Variants in MCF2L observed in about 807,000 individuals in gnomAD.
MCF2L encodes guanine nucleotide exchange factor DBS.
A neutral mutation model predicts 153.4 loss-of-function variants in MCF2L; 97 were observed. The ratio of observed to expected loss-of-function variants is 0.63; its 90% CI spans 0.54 to 0.75. The LOEUF (loss-of-function observed/expected upper bound fraction) is 0.75, where lower values mean the gene tolerates loss of function less well. Among genes scored for constraint, MCF2L ranks in the 30% least tolerant of loss-of-function variants. The pLI, the probability that MCF2L is intolerant of heterozygous loss-of-function variation, is 0.00. For synonymous variants in MCF2L, 659 were observed against 632.2 expected, an observed-to-expected ratio of 1.04 and a Z score of -0.64; for missense variants, 1,347 against 1,495.2, an observed-to-expected ratio of 0.90 and a Z score of 1.64.
At chr13:113,088,306 G>C in intron 23 of MCF2L, 21 bp from the exon 24 acceptor site, 1 of 1,607,812 alleles carries the variant, frequency 6.2e-7, no homozygotes, top group African/African-American at 1.3e-5. Context: ...TCACCTCCTG[G>C]CGTTTCTTTT....
chr13:112,965,347 T>C (rs1016943245), upstream of MCF2L: 2 of 152,206 alleles, frequency 1.3e-5, no homozygotes, highest in Admixed American at 1.3e-4. Flanking sequence ...CCATGTCACC[T>C]CCGCTGCAGC....
In MCF2L at chr13:113,096,455, C is replaced by G; in HGVS notation, c.3160C>G (p.Leu1054Val). Residue 1054 changes from leucine to valine, a missense_variant, in exon 28 of 30, where the codon CTG becomes GTG. Physicochemically the swap from Leu to Val is conservative, Grantham distance 32. Coordinates refer to ENST00000535094, the MANE Select transcript of MCF2L (RefSeq NM_001112732.3). ...LRVRSGDVVELVQEGDEGLWY... is the reference protein window; with the variant it reads ...LRVRSGDVVEVVQEGDEGLWY... ...CGTGAGGAGCGGGGACGTGGTGGAG[C>G]TGGTGCAGGAGGGCGACGAGGGCCT... The G allele has an allele frequency of 1.3e-6, 2 of 1,592,948 alleles. No individual in the cohort carries two copies. The highest frequency in any genetic ancestry group is 2.3e-5 in the East Asian group (1 of 43,892).
intron 14 of MCF2L, 51 bp from the exon 15 acceptor site, chr13:113,078,615 C>A: frequency 6.5e-7 from 1 of 1,534,876 alleles, no homozygotes; most frequent in Non-Finnish European, 8.9e-7. Context: ...TGAGAGTTGG[C>A]CCTTGAGGTT....
Position 113,080,735 on chromosome 13 carries a change from G to A in MCF2L, c.1809-478G>A, listed in dbSNP as rs559247625. On this transcript the variant is annotated intron_variant, in intron 15 of 29. Coordinates refer to ENST00000535094, the MANE Select transcript of MCF2L (RefSeq NM_001112732.3). ...GCAGCTCCGGCGATGCCAGACCCCC[G>A]CCCTGGCCACGAGGGGCCACACAGA... 6.6e-5 allele frequency among the ~76,000 whole-genome samples: 10 copies of A among 152,294 alleles called. No homozygotes were observed. In the South Asian group the frequency reaches 1.2e-3, roughly 19 times the overall value.
At chr13:112,972,938 G>A (rs2082101168) in intron 1 of MCF2L, among the ~76,000 whole-genome samples, 1 of 151,434 alleles carries the variant, frequency 6.6e-6, no homozygotes, top group Non-Finnish European at 1.5e-5. Flanking sequence ...ATGGGCTGAG[G>A]GACACAGCAG....
rs2035761370 is a variant in MCF2L, at chr13:113,097,645, T to G, written c.*786T>G. The G allele has an allele frequency of 7.0e-6, 1 of 143,738 alleles. No individual in the cohort carries two copies. Among genetic ancestry groups the G allele is most frequent in the African/African-American group, 2.7e-5 (1 of 36,432 alleles). The allele number at this position is 143,738 out of a possible 1,614,324, so 8.9% of individuals were successfully genotyped here. A position where few individuals can be genotyped will look rare whatever the true frequency, so the allele number is the denominator to read the frequency against. On this transcript the variant is annotated 3_prime_UTR_variant, in exon 30 of 30. Transcript: ENST00000535094. ...AAAATTTAAACTATAATTTAAACAA[T>G]TAACGTTCTTTTCTACAAAAAAAAT...
intron 2 of MCF2L, among the ~76,000 whole-genome samples, chr13:113,017,187 G>C (rs1380601709): frequency 6.6e-6 from 1 of 152,210 alleles, no homozygotes; most frequent in Non-Finnish European, 1.5e-5. Flanking sequence ...CTGAGGCTGC[G>C]CCTGCACTCC....
chr13:112,939,327 TGA>T (rs2081552520), intron 2 of MCF2L, among the ~76,000 whole-genome samples: 1 of 152,128 alleles, frequency 6.6e-6, no homozygotes, highest in Admixed American at 6.5e-5. Context: ...CTGTGCAGTG[TGA>T]GGTCTCAGCA....
At chr13:113,008,833 T>C (rs1380200216) in intron 1 of MCF2L, 1 of 152,242 alleles carries the variant, frequency 6.6e-6, no homozygotes, top group East Asian at 1.9e-4. Context: ...AGGCAGGAGC[T>C]TGGTCCCAAA....
In MCF2L at chr13:113,044,759, C is replaced by T. The variant is rs764815222; in HGVS notation, c.279-512C>T. 47 of 1,612,792 alleles carry T rather than the reference C, an allele frequency of 2.9e-5. No individual in the cohort carries two copies. In the East Asian group the frequency reaches 9.1e-4, roughly 31 times the overall value. On this transcript the variant is annotated intron_variant, in intron 3 of 29. Transcript: ENST00000535094. Reference sequence around the variant, plus strand: ...TCGCAGAGAGTGCTGCCTCCTCTCCCGTTTCCAGCAGATGCTTGGGAACCT... The same window carrying T: ...TCGCAGAGAGTGCTGCCTCCTCTCCTGTTTCCAGCAGATGCTTGGGAACCT...
In MCF2L at chr13:113,084,906, G is replaced by C; in HGVS notation, c.2076G>C (p.Gln692His). The change falls in exon 19 of 30, where the codon CAG becomes CAC. Residue 692 changes from glutamine to histidine, a missense_variant. This residue lies in a region of MCF2L where 144 missense variants were observed against 238.7 expected (regional missense o/e 0.60). Coordinates refer to ENST00000535094, the MANE Select transcript of MCF2L (RefSeq NM_001112732.3). ...RCFLERMEDFQIYEKYCQNKP... is the reference protein window; with the variant it reads ...RCFLERMEDFHIYEKYCQNKP... ...CCTCGGTGCAGATGGAAGATTTCCAGATCTATGAGAAGTACTGTCAGAACA... is the reference window on the plus strand; with the variant it reads ...CCTCGGTGCAGATGGAAGATTTCCACATCTATGAGAAGTACTGTCAGAACA... The C allele has an allele frequency of 6.2e-7, 1 of 1,613,860 alleles. No individual in the cohort carries two copies. Among genetic ancestry groups the C allele is most frequent in the Non-Finnish European group, 8.5e-7 (1 of 1,179,888 alleles).
At chr13:113,052,170 C>G (rs545272210) in intron 4 of MCF2L, among the ~76,000 whole-genome samples, 1 of 152,110 alleles carries the variant, frequency 6.6e-6, no homozygotes, top group East Asian at 1.9e-4. Context: ...CTGGGTGCCC[C>G]GTAAGTAGAT....
At chr13:112,917,141 T>C in intron 2 of MCF2L, 2 of 471,254 alleles carry the variant, frequency 4.2e-6, no homozygotes, top group Non-Finnish European at 8.8e-6. Context: ...TCCCCTGGCT[T>C]GTGACCCACC....
rs1455188076 is a variant in MCF2L at position 112,927,009 on chromosome 13, T to TAG, written c.169+24639_169+24640insGA. Among the ~76,000 whole-genome samples the TAG allele has an allele frequency of 5.9e-5, 9 of 152,236 alleles. 1 individual carries two copies. ...AGACCATCATGTAGTGTGCTATAAA[T>TAG]ACAGTTTTTGTCAATTTAAAAGAAA... On this transcript the variant is annotated intron_variant, in intron 2 of 29. Coordinates refer to the MCF2L transcript ENST00000375608.
At position 113,065,732 on chromosome 13, in the gene MCF2L, C is replaced by T. The variant is rs2297191; in HGVS notation, c.757-314C>T. Among the ~76,000 whole-genome samples the T allele has an allele frequency of 3.1e-3, 475 of 152,354 alleles. 23 individuals are homozygous for T. In the East Asian group the frequency reaches 0.074, roughly 24 times the overall value. ...CTCTGTGCTCACCGGGCCGCTCCAC[C>T]GTGAGGACACTGAGGACCAGGAGCA... On this transcript the variant is annotated intron_variant, in intron 7 of 29. Coordinates refer to ENST00000535094, the MANE Select transcript of MCF2L (RefSeq NM_001112732.3).
At chr13:113,076,967 G>A in intron 12 of MCF2L, 85 bp from the exon 13 acceptor site, 1 of 1,436,428 alleles carries the variant, frequency 7.0e-7, no homozygotes, top group Non-Finnish European at 9.5e-7. Context: ...GGTTGGGCGT[G>A]CCCCGGCACG....
intron 2 of MCF2L, among the ~76,000 whole-genome samples, chr13:112,912,427 C>T (rs937754338): frequency 3.9e-5 from 6 of 152,102 alleles, no homozygotes; most frequent in Non-Finnish European, 8.8e-5. Context: ...AGCAATTCTC[C>T]TGCCTCAGCC....
chr13:112,918,728 G>T (rs1279234049), intron 2 of MCF2L, among the ~76,000 whole-genome samples: 1 of 152,196 alleles, frequency 6.6e-6, no homozygotes, highest in Non-Finnish European at 1.5e-5. Context: ...TATATGCAGA[G>T]CAGCAGTGCT....
At chr13:112,961,716 G>A (rs1289390162) in intron 2 of MCF2L, among the ~76,000 whole-genome samples, 3 of 152,232 alleles carry the variant, frequency 2.0e-5, no homozygotes, top group Non-Finnish European at 4.4e-5. Flanking sequence ...GGGAGCTGCA[G>A]TCACCCTCAG....
Sources: gnomAD v4.1 joint callset for allele counts (sites outside exome capture counted in the v4.1 genomes callset) on GRCh38, gnomAD v4.1.1 for gene constraint, gnomAD v4.1.1 regional missense constraint, MANE v1.5 for transcripts, NCBI Gene and HGNC (gene_info 2026-07-23, HGNC 2026-07-21) for gene names.